XRCC5: variants seen among roughly 807,000 people sequenced by gnomAD.
XRCC5 encodes the protein X-ray repair cross complementing 5, also known as DNA repair protein Ku80.
Under a neutral mutation model 95.7 loss-of-function variants are expected in XRCC5, and 12 were observed. That is an observed-to-expected ratio of 0.13 (90% CI 0.08 to 0.20). The LOEUF is 0.20. Among genes scored for constraint, XRCC5 ranks in the 10% least tolerant of loss-of-function variants. The pLI is 1.00. For missense variants in XRCC5, 595 were observed against 873.9 expected (o/e 0.68, Z 4.02); for synonymous variants, 281 against 290.3 (o/e 0.97, Z 0.33).
At chr2:216,160,015 C>A in intron 14 of XRCC5, 53 bp from the exon 15 acceptor site, 2 of 860,542 alleles carry the variant, frequency 2.3e-6, no homozygotes, top group Non-Finnish European at 1.7e-6. Flanking sequence ...TTCACAATAG[C>A]AATCTGGTTT....
At chr2:216,178,092 A>G (rs1689311747) in intron 16 of XRCC5, among the ~76,000 whole-genome samples, 1 of 152,238 alleles carries the variant, frequency 6.6e-6, no homozygotes, top group Non-Finnish European at 1.5e-5. Flanking sequence ...TAAAACAAAA[A>G]AGAAAGAAAA....
intron 1 of XRCC5, chr2:216,110,615 G>C (rs1696569628): frequency 6.6e-6 from 1 of 152,204 alleles, no homozygotes; most frequent in South Asian, 2.1e-4. Flanking sequence ...ACTGCTGCCA[G>C]ATAGGAACTC....
At chr2:216,201,570 A>G (rs544381297) in intron 19 of XRCC5, among the ~76,000 whole-genome samples, 1 of 152,330 alleles carries the variant, frequency 6.6e-6, no homozygotes, top group East Asian at 1.9e-4. Context: ...AGGCACTTTT[A>G]TGGTAACCCC....
chr2:216,170,037 C>CCA (rs1689128266), intron 16 of XRCC5, among the ~76,000 whole-genome samples: 3 of 53,652 alleles, frequency 5.6e-5, no homozygotes, highest in Admixed American at 6.9e-4. Context: ...GACTGTGTCT[C>CCA]AAAAAAAAAA....
At chr2:216,174,304 C>T (rs1386850095) in intron 16 of XRCC5, among the ~76,000 whole-genome samples, 4 of 152,316 alleles carry the variant, frequency 2.6e-5, no homozygotes, top group African/African-American at 7.2e-5. Context: ...CTTCACATGT[C>T]AGTGCCCATT....
chr2:216,198,061 G>C (rs1689763385), intron 19 of XRCC5, among the ~76,000 whole-genome samples: 2 of 152,220 alleles, frequency 1.3e-5, no homozygotes, highest in South Asian at 2.1e-4. Flanking sequence ...GAATTGGCAA[G>C]AGCAGGAACT....
intron 14 of XRCC5, among the ~76,000 whole-genome samples, chr2:216,152,318 G>A (rs1471774298): frequency 1.3e-5 from 2 of 152,104 alleles, no homozygotes; most frequent in African/African-American, 4.8e-5. Flanking sequence ...GCACAAGCCT[G>A]TAATCCAGCC....
intron 16 of XRCC5, among the ~76,000 whole-genome samples, chr2:216,172,984 ATTC>A (rs1689199177): frequency 1.3e-5 from 2 of 152,172 alleles, no homozygotes; most frequent in South Asian, 4.1e-4. Flanking sequence ...ATTGCCAAGT[ATTC>A]TTTTTGATGA....
At chr2:216,122,007 G>T (rs563490714) in intron 5 of XRCC5, 55 bp from the exon 6 acceptor site, 193 of 1,440,602 alleles carry the variant, frequency 1.3e-4, no homozygotes, top group South Asian at 4.2e-4. Context: ...TCTCATAGCT[G>T]ATGAGTTACA....
intron 14 of XRCC5, among the ~76,000 whole-genome samples, chr2:216,149,340 G>GC (rs1410711531): frequency 1.3e-5 from 2 of 151,760 alleles, no homozygotes; most frequent in African/African-American, 2.4e-5. Context: ...CCAACTGCCC[G>GC]CCCCCCATAA....
In XRCC5 at chr2:216,152,244, C is replaced by A. The variant is rs149150898; in HGVS notation, c.1670+3968C>A. Reference sequence around the variant, plus strand: ...TTGAGGTCAGGAGTTCCAGACCAGCCTGGCCAACATGGTGAAACCCTGTCT... The same window carrying A: ...TTGAGGTCAGGAGTTCCAGACCAGCATGGCCAACATGGTGAAACCCTGTCT... On this transcript the variant is annotated intron_variant, in intron 14 of 20. Coordinates refer to ENST00000392132, the MANE Select transcript of XRCC5 (RefSeq NM_021141.4). Among the ~76,000 whole-genome samples, 468 of 152,272 alleles carry A rather than the reference C, an allele frequency of 3.1e-3. 1 individual carries two copies. The highest frequency in any genetic ancestry group is 0.011 in the African/African-American group (439 of 41,554).
At chr2:216,170,936 A>G (rs1207534326) in intron 16 of XRCC5, among the ~76,000 whole-genome samples, 1 of 152,166 alleles carries the variant, frequency 6.6e-6, no homozygotes, top group Non-Finnish European at 1.5e-5. Context: ...AGGGTATTGT[A>G]CTTGGTTCTC....
At chr2:216,138,629 T>TA (rs1697126427) in intron 12 of XRCC5, among the ~76,000 whole-genome samples, 1 of 152,232 alleles carries the variant, frequency 6.6e-6, no homozygotes, top group South Asian at 2.1e-4. Context: ...GTCTCATTGT[T>TA]ACTTATTTCT....
At chr2:216,156,647 C>A in intron 14 of XRCC5, 1 of 555,304 alleles carries the variant, frequency 1.8e-6, no homozygotes. Flanking sequence ...ATAGTGACCC[C>A]AAATGCAAGA....
intron 17 of XRCC5, 122 bp from the exon 18 acceptor site, chr2:216,192,517 G>A (rs889314701): frequency 1.5e-5 from 8 of 548,952 alleles, no homozygotes; most frequent in Middle Eastern, 2.8e-4. Context: ...TACCAAAGAA[G>A]AACATTTTAT....
intron 7 of XRCC5, among the ~76,000 whole-genome samples, chr2:216,126,240 G>C (rs1696898161): frequency 6.6e-6 from 1 of 152,152 alleles, no homozygotes; most frequent in African/African-American, 2.4e-5. Flanking sequence ...AATAGAGTTT[G>C]ATTTCCTCCT....
At chr2:216,138,272 T>G in intron 12 of XRCC5, 93 bp downstream of exon 12, 1 of 1,076,146 alleles carries the variant, frequency 9.3e-7, no homozygotes, top group South Asian at 1.3e-5. Flanking sequence ...GCTAGGTATT[T>G]ATAGGGTGCA....
intron 18 of XRCC5, among the ~76,000 whole-genome samples, chr2:216,193,621 G>A (rs1218074493): frequency 6.6e-6 from 1 of 152,174 alleles, no homozygotes; most frequent in Non-Finnish European, 1.5e-5. Flanking sequence ...AGTGAAGGGG[G>A]CTTACTCAAA....
At chr2:216,183,638 G>A (rs542409654) in intron 16 of XRCC5, among the ~76,000 whole-genome samples, 21 of 152,176 alleles carry the variant, frequency 1.4e-4, no homozygotes, top group Admixed American at 9.2e-4. Flanking sequence ...TCTCTCTGTC[G>A]TATCTACTGA....
Sources: gnomAD v4.1 joint callset for allele counts (sites outside exome capture counted in the v4.1 genomes callset) on GRCh38, gnomAD v4.1.1 for gene constraint, MANE v1.5 for transcripts, NCBI Gene and HGNC (gene_info 2026-07-23, HGNC 2026-07-21) for gene names.